COL6A6: variants seen among roughly 807,000 people sequenced by gnomAD.
COL6A6 encodes the protein collagen type VI alpha 6 chain.
Under a neutral mutation model 208.6 loss-of-function variants are expected in COL6A6, and 183 were observed. The observed-to-expected ratio is 0.88, with a 90% CI of 0.78 to 0.99. The LOEUF (loss-of-function observed/expected upper bound fraction) is 0.99, where lower values mean the gene tolerates loss of function less well. Among genes scored for constraint, COL6A6 ranks in the 50% least tolerant of loss-of-function variants. COL6A6 has a pLI of 0.00. For synonymous variants in COL6A6, 973 were observed against 1,011.8 expected (o/e 0.96, Z 0.73); for missense variants, 2,816 against 2,815.2 (o/e 1.00, Z -0.01).
In COL6A6 at chr3:130,592,719, G is replaced by A. The variant is rs1400354061; in HGVS notation, c.4368G>A (p.Gln1456=). The A allele has an allele frequency of 1.2e-6, 2 of 1,611,396 alleles. No individual in the cohort carries two copies. Among genetic ancestry groups the A allele is most frequent in the Non-Finnish European group, 1.7e-6 (2 of 1,178,262 alleles). ...GPKGNRGLNG[Q]EGEVGENGID... ...AGGGAAACAGAGGACTAAATGGACA[G>A]GAGGTATGTTACCAGGCACATCCAT... The change falls in exon 15 of 37, where the codon CAG becomes CAA. Residue 1456 remains glutamine, a synonymous_variant. Transcript: ENST00000358511.
chr3:130,567,483 G>T (rs1281099197), intron 5 of COL6A6, among the ~76,000 whole-genome samples: 1 of 152,202 alleles, frequency 6.6e-6, no homozygotes, highest in Non-Finnish European at 1.5e-5. Context: ...TCCCTAATAA[G>T]TATTAATCAG....
chr3:130,674,195 T>G (rs2066303238), intron 36 of COL6A6, among the ~76,000 whole-genome samples: 1 of 152,220 alleles, frequency 6.6e-6, no homozygotes, highest in Admixed American at 6.5e-5. Context: ...TTTTTTGTAC[T>G]GGCCAATACA....
chr3:130,519,566 G>A (rs1436908213), intron 1 of COL6A6, among the ~76,000 whole-genome samples: 6 of 151,896 alleles, frequency 4.0e-5, no homozygotes, highest in African/African-American at 9.7e-5. Flanking sequence ...CCTTATTGTC[G>A]TTATTTAAAG....
At chr3:130,527,890 C>CTTTTTTTTTTTTTTTTTTTTTTTTTT (rs56110472) in intron 1 of COL6A6, among the ~76,000 whole-genome samples, 2 of 57,814 alleles carry the variant, frequency 3.5e-5, no homozygotes, top group Non-Finnish European at 7.0e-5. Flanking sequence ...GTTACTTTTC[C>CTTTTTTTTTTTTTTTTTTTTTTTTTT]TTTTTTTTTT....
At position 130,598,561 on chromosome 3, in the gene COL6A6, A is replaced by C. The variant is rs559642467; in HGVS notation, c.4599+131A>C. ...TACTTGGTACAGAAAAACCATTATT[A>C]GGAGCAAAATGATCTTTTCTCCTGC... On this transcript the variant is annotated intron_variant, in intron 19 of 36. Coordinates refer to ENST00000358511, the MANE Select transcript of COL6A6 (RefSeq NM_001102608.3). 4.6e-6 allele frequency: 3 copies of C among 654,432 alleles called. No homozygotes were observed. In the African/African-American group the frequency reaches 5.5e-5, roughly 12 times the overall value. 40.5% of individuals were successfully genotyped at this position (654,432 alleles called of 1,614,324 possible).
In COL6A6 at chr3:130,594,302, A is replaced by G; in HGVS notation, c.4492A>G (p.Thr1498Ala). Residue 1498 changes from threonine (T) to alanine (A), a missense_variant, in exon 18 of 37, where the codon ACT becomes GCT. Physicochemically the swap from Thr to Ala is moderately conservative, Grantham distance 58. Transcript: ENST00000358511. ...TTAGGGAAGCCCAGGGAAGAGAGGGACTCCTGGTGACCGTGGAGCAAAGGG... is the reference window on the plus strand; with the variant it reads ...TTAGGGAAGCCCAGGGAAGAGAGGGGCTCCTGGTGACCGTGGAGCAAAGGG... ...GSQGSPGKRG[T>A]PGDRGAKGLR... The G allele has an allele frequency of 6.2e-6, 10 of 1,612,902 alleles. No individual in the cohort carries two copies. The highest frequency in any genetic ancestry group is 1.3e-5 in the African/African-American group (1 of 74,860).
In COL6A6 at chr3:130,530,944, T is replaced by C. The variant is rs72992207; in HGVS notation, c.-32+13547T>C. On this transcript the variant is annotated intron_variant, in intron 1 of 36. Coordinates refer to ENST00000358511, the MANE Select transcript of COL6A6 (RefSeq NM_001102608.3). The stretch of plus-strand genomic sequence containing the variant: ...TTGGCCTACTCCGCAAATTTGGGAC[T>C]TGTCAACCCTCATAATTACGTGAAC... Among the ~76,000 whole-genome samples, 767 of 152,038 alleles carry C rather than the reference T, an allele frequency of 5.0e-3. 12 individuals carry two copies. The highest frequency in any genetic ancestry group is 0.017 in the African/African-American group (713 of 41,458).
intron 28 of COL6A6, among the ~76,000 whole-genome samples, chr3:130,636,851 C>CT (rs1559773036): frequency 2.0e-4 from 1 of 5,072 alleles, no homozygotes; most frequent in Non-Finnish European, 2.7e-4. Context: ...CTTCCTCCTC[C>CT]CCCCCTCCCC....
chr3:130,560,464 T>G, intron 2 of COL6A6, 36 bp downstream of exon 2: 1 of 1,545,530 alleles, frequency 6.5e-7, no homozygotes, highest in South Asian at 1.1e-5. Flanking sequence ...TAATTTTGAT[T>G]ATAGAAAATA....
At chr3:130,567,958 A>T in intron 5 of COL6A6, 89 bp from the exon 6 acceptor site, 1 of 913,718 alleles carries the variant, frequency 1.1e-6, no homozygotes, top group South Asian at 1.7e-5. Context: ...ATGTCAATAT[A>T]AAATTATTTG....
intron 36 of COL6A6, among the ~76,000 whole-genome samples, chr3:130,669,962 C>T (rs773132539): frequency 3.5e-4 from 53 of 152,192 alleles, no homozygotes; most frequent in Non-Finnish European, 6.3e-4. Flanking sequence ...ATACCTTTGG[C>T]GATGTGCCTA....
chr3:130,666,725 TCTAAC>T (rs2066083494), intron 36 of COL6A6, among the ~76,000 whole-genome samples: 2 of 152,126 alleles, frequency 1.3e-5, no homozygotes, highest in South Asian at 2.1e-4. Flanking sequence ...AATGGGAAGA[TCTAAC>T]CTATATCTAA....
intron 33 of COL6A6, among the ~76,000 whole-genome samples, chr3:130,652,847 C>T (rs1230343094): frequency 1.3e-5 from 2 of 152,104 alleles, no homozygotes; most frequent in Non-Finnish European, 2.9e-5. Context: ...TCATACCTAC[C>T]AAGGCTTTTC....
intron 33 of COL6A6, among the ~76,000 whole-genome samples, chr3:130,655,628 T>C (rs537526088): frequency 3.9e-5 from 6 of 152,190 alleles, no homozygotes; most frequent in African/African-American, 1.4e-4. Context: ...CGCCTGGGAG[T>C]CACTGGAAGT....
chr3:130,654,858 A>G (rs1293648429), intron 33 of COL6A6, among the ~76,000 whole-genome samples: 1 of 152,024 alleles, frequency 6.6e-6, no homozygotes, highest in African/African-American at 2.4e-5. Flanking sequence ...AGTTTGGGGG[A>G]AGAGGGGAGT....
At chr3:130,529,226 T>C (rs966490034) in intron 1 of COL6A6, among the ~76,000 whole-genome samples, 2 of 137,376 alleles carry the variant, frequency 1.5e-5, no homozygotes, top group African/African-American at 5.5e-5. Flanking sequence ...AGTTGACCAA[T>C]AGCTTTCAAT....
chr3:130,627,075 G>C (rs2064911554), intron 25 of COL6A6, among the ~76,000 whole-genome samples: 1 of 152,108 alleles, frequency 6.6e-6, no homozygotes, highest in Admixed American at 6.6e-5. Context: ...CCCATGAGTA[G>C]GTATAATTAT....
intron 1 of COL6A6, among the ~76,000 whole-genome samples, chr3:130,547,658 G>A (rs1205472613): frequency 6.6e-6 from 1 of 152,236 alleles, no homozygotes; most frequent in African/African-American, 2.4e-5. Context: ...AGGCGTTCAT[G>A]ATCTGTTATG....
chr3:130,641,687 TG>T lies in COL6A6; in HGVS notation c.5131del (p.Glu1711AsnfsTer10). The T allele has an allele frequency of 6.2e-7, 1 of 1,600,306 alleles. No homozygotes were observed. Among genetic ancestry groups the T allele is most frequent in the Non-Finnish European group, 8.6e-7 (1 of 1,169,110 alleles). On this transcript the variant is annotated frameshift_variant, in exon 29 of 37. Coordinates refer to ENST00000358511, the MANE Select transcript of COL6A6 (RefSeq NM_001102608.3). LOFTEE classifies it high-confidence loss of function. Reference sequence around the variant, plus strand: ...GGCTTCCAGGAGAGATGGGATCCCCTGGGGAACCAGGACCTCCTGGACGTAA... The same window carrying T: ...GGCTTCCAGGAGAGATGGGATCCCCTGGGAACCAGGACCTCCTGGACGTAA... ...AGLPGEMGSP[G>X]EPGPPGRKGV...
Sources: allele counts gnomAD v4.1 joint callset (sites outside exome capture counted in the v4.1 genomes callset), GRCh38; gene constraint gnomAD v4.1.1; transcripts MANE v1.5; gene names NCBI Gene and HGNC (gene_info 2026-07-23, HGNC 2026-07-21).